The following EPHA7 variants were observed in gnomAD, a reference collection of about 807,000 sequenced individuals.
The protein encoded by EPHA7 is ephrin type-A receptor 7.
A neutral mutation model predicts 112.6 loss-of-function variants in EPHA7; 25 were observed. The ratio of observed to expected loss-of-function variants is 0.22; its 90% CI spans 0.16 to 0.31. The LOEUF is 0.31. Among genes scored for constraint, EPHA7 ranks in the 10% least tolerant of loss-of-function variants. The probability of loss-of-function intolerance (pLI) is 1.00; values close to 1 mark genes in which losing one functional copy is unlikely to be tolerated. For synonymous variants in EPHA7, 437 were observed against 406.5 expected (o/e 1.07, Z -0.90); for missense variants, 962 against 1,212.6 (o/e 0.79, Z 3.07).
chr6:93,259,519 G>A (rs1770592782), intron 9 of EPHA7, 40 bp from the exon 10 acceptor site: 1 of 1,606,574 alleles, frequency 6.2e-7, no homozygotes, highest in Non-Finnish European at 8.5e-7. Flanking sequence ...ATGAAGCAAA[G>A]CACTTATTGT....
At chr6:93,334,256 G>A (rs1774746379) in intron 5 of EPHA7, among the ~76,000 whole-genome samples, 1 of 151,880 alleles carries the variant, frequency 6.6e-6, no homozygotes, top group Non-Finnish European at 1.5e-5. Flanking sequence ...AACTCAATAT[G>A]GATTAAAGAC....
chr6:93,258,355 T>A lies in EPHA7; in HGVS notation c.1925-71A>T. The A allele has an allele frequency of 2.2e-6, 3 of 1,348,930 alleles. 1 individual carries two copies. The South Asian group carries it at 4.8e-5, about 22-fold the overall frequency. The allele number at this position is 1,348,930 out of a possible 1,614,324, so 83.6% of individuals were successfully genotyped here. On this transcript the variant is annotated intron_variant, in intron 10 of 16. Coordinates refer to ENST00000369303, the MANE Select transcript of EPHA7 (RefSeq NM_004440.4). ...TAATTTTCTTTTAAGAGTAAATGCG[T>A]TGAATTATTTTTCTTTAACTTTTAG... is the stretch of plus-strand genomic sequence containing the variant.
chr6:93,252,722 T>C (rs928654425), intron 14 of EPHA7, among the ~76,000 whole-genome samples: 1 of 152,078 alleles, frequency 6.6e-6, no homozygotes. Flanking sequence ...TCAATTTCAC[T>C]GTACAAACTG....
intron 5 of EPHA7, among the ~76,000 whole-genome samples, chr6:93,339,569 A>T (rs1406171982): frequency 4.0e-5 from 6 of 151,786 alleles, no homozygotes; most frequent in African/African-American, 1.2e-4. Context: ...GCCCAAGGTC[A>T]AAAAACAACT....
In EPHA7 at chr6:93,370,958, A is replaced by T. The variant is rs1374264588; in HGVS notation, c.833-12547T>A. Among the ~76,000 whole-genome samples, 4 of 151,208 alleles carry T rather than the reference A, an allele frequency of 2.6e-5. No individual in the cohort carries two copies. In the South Asian group the frequency reaches 6.3e-4, roughly 24 times the overall value. On this transcript the variant is annotated intron_variant, in intron 3 of 16. Transcript: ENST00000369303. ...CAGGAGATCGAGACCATCCTGGCTA[A>T]CATGGTGAAACCCTGTCTCTACGAA...
intron 3 of EPHA7, among the ~76,000 whole-genome samples, chr6:93,394,649 T>A (rs1245624921): frequency 6.6e-6 from 1 of 151,772 alleles, no homozygotes; most frequent in Admixed American, 6.6e-5. Context: ...AGTTCACTTC[T>A]TTAATAAGTA....
intron 3 of EPHA7, among the ~76,000 whole-genome samples, chr6:93,394,504 T>C (rs2127983805): frequency 6.6e-6 from 1 of 151,802 alleles, no homozygotes; most frequent in East Asian, 1.9e-4. Context: ...GTCTGTATGA[T>C]TAGGTTCAGG....
chr6:93,253,817 C>A (rs900346046), intron 14 of EPHA7, among the ~76,000 whole-genome samples: 2 of 152,084 alleles, frequency 1.3e-5, no homozygotes, highest in African/African-American at 2.4e-5. Context: ...AGATTTCATA[C>A]TGGCTCTACA....
intron 14 of EPHA7, among the ~76,000 whole-genome samples, chr6:93,249,505 C>A (rs1770112214): frequency 6.6e-6 from 1 of 152,014 alleles, no homozygotes; most frequent in African/African-American, 2.4e-5. Flanking sequence ...AATGACCACA[C>A]AATAAGCAAT....
chr6:93,296,034 C>A (rs1772644509), intron 5 of EPHA7, among the ~76,000 whole-genome samples: 2 of 151,544 alleles, frequency 1.3e-5, no homozygotes, highest in Admixed American at 1.3e-4. Flanking sequence ...AATATTAATA[C>A]TTTCGAGCAA....
At chr6:93,401,072 C>T (rs771555371) in intron 3 of EPHA7, among the ~76,000 whole-genome samples, 1 of 151,916 alleles carries the variant, frequency 6.6e-6, no homozygotes, top group Non-Finnish European at 1.5e-5. Context: ...CACCACAGGC[C>T]AGGGGTTAAA....
intron 7 of EPHA7, among the ~76,000 whole-genome samples, chr6:93,267,017 C>T (rs906887154): frequency 1.3e-5 from 2 of 151,636 alleles, no homozygotes; most frequent in African/African-American, 2.4e-5. Context: ...TTTACTCTCA[C>T]TTGCTTATGA....
chr6:93,299,127 C>A (rs1772832670), intron 5 of EPHA7, among the ~76,000 whole-genome samples: 1 of 151,546 alleles, frequency 6.6e-6, no homozygotes, highest in Non-Finnish European at 1.5e-5. Flanking sequence ...GAGATCGAGA[C>A]CATCCTGGCT....
intron 5 of EPHA7, among the ~76,000 whole-genome samples, chr6:93,289,153 T>G (rs1772223708): frequency 6.6e-6 from 1 of 152,178 alleles, no homozygotes; most frequent in Non-Finnish European, 1.5e-5. Context: ...CTTATAAAAC[T>G]TTGTAAAATT....
intron 5 of EPHA7, among the ~76,000 whole-genome samples, chr6:93,326,334 C>T (rs1178181042): frequency 6.6e-6 from 1 of 151,336 alleles, no homozygotes; most frequent in African/African-American, 2.4e-5. Context: ...TAAAACACTG[C>T]ACAACATTCA....
intron 6 of EPHA7, 78 bp from the exon 7 acceptor site, chr6:93,269,738 T>A: frequency 8.4e-7 from 1 of 1,196,118 alleles, no homozygotes; most frequent in Non-Finnish European, 1.2e-6. Context: ...TCAATTTAAT[T>A]CAATTTGCTC....
chr6:93,354,142 C>T (rs1356433207), intron 5 of EPHA7, among the ~76,000 whole-genome samples: 2 of 152,046 alleles, frequency 1.3e-5, no homozygotes, highest in Non-Finnish European at 2.9e-5. Flanking sequence ...GGAAATGATG[C>T]TATTTGTTTA....
chr6:93,347,494 A>G (rs1476047932), intron 5 of EPHA7, among the ~76,000 whole-genome samples: 1 of 151,954 alleles, frequency 6.6e-6, no homozygotes, highest in Non-Finnish European at 1.5e-5. Context: ...TGTCCCATAA[A>G]TAAAATTTTA....
chr6:93,279,120 G>A (rs916751050), intron 5 of EPHA7, among the ~76,000 whole-genome samples: 4 of 152,016 alleles, frequency 2.6e-5, no homozygotes, highest in African/African-American at 9.7e-5. Context: ...CGTGAAAACT[G>A]ACACTCCCTC....
Sources: allele counts gnomAD v4.1 joint callset (sites outside exome capture counted in the v4.1 genomes callset), GRCh38; gene constraint gnomAD v4.1.1; transcripts MANE v1.5; gene names NCBI Gene and HGNC (gene_info 2026-07-23, HGNC 2026-07-21).